The following GRM1 variants were observed in gnomAD, a reference collection of about 807,000 sequenced individuals.
The protein encoded by GRM1 is metabotropic glutamate receptor 1.
A neutral mutation model predicts 90.9 loss-of-function variants in GRM1; 33 were observed. The observed-to-expected ratio is 0.36, with a 90% CI of 0.28 to 0.49. GRM1 has a LOEUF of 0.49. Among genes scored for constraint, GRM1 ranks in the 20% least tolerant of loss-of-function variants. The pLI is 0.99. For missense variants in GRM1, 1,190 were observed against 1,534.3 expected (o/e 0.78, Z 3.75); for synonymous variants, 700 against 613.2 (o/e 1.14, Z -2.09).
rs1237789238 is a variant in GRM1 at position 146,043,213 on chromosome 6, CT to C, written c.700+12998del. On this transcript the variant is annotated intron_variant, in intron 1 of 7. Coordinates refer to ENST00000282753, the MANE Select transcript of GRM1 (RefSeq NM_001278064.2). ...GGTGGAGGCTAAGGAAAGAGGATTA[CT>C]TGAGCCCAAGAGTTTGAGGTTGCAG... 2.0e-5 allele frequency among the ~76,000 whole-genome samples: 3 copies of C among 152,070 alleles called. No individual in the cohort carries two copies. In the East Asian group the frequency reaches 5.8e-4, roughly 30 times the overall value.
In GRM1 at chr6:146,433,941, G is replaced by T. The variant is rs1163888187; in HGVS notation, c.2730G>T (p.Trp910Cys). 6.2e-7 allele frequency: 1 copy of T among 1,613,884 alleles called. No individual in the cohort carries two copies. Among genetic ancestry groups the T allele is most frequent in the East Asian group, 2.2e-5 (1 of 44,868 alleles). The change falls in exon 8 of 8, where the codon TGG (tryptophan) becomes TGT (cysteine). Residue 910 changes from tryptophan (W) to cysteine (C), a missense_variant. By Grantham distance (215) the Trp-to-Cys change is radical. This residue lies in a region of GRM1 where 400 missense variants were observed against 360.8 expected (regional missense o/e 1.11). Coordinates refer to ENST00000282753, the MANE Select transcript of GRM1 (RefSeq NM_001278064.2). ...AGGTGCCCAAGGGACAGCATATGTGGCACCGCCTCTCTGTGCACGTGAAGA... is the reference window on the plus strand; with the variant it reads ...AGGTGCCCAAGGGACAGCATATGTGTCACCGCCTCTCTGTGCACGTGAAGA... ...GGQVPKGQHM[W>C]HRLSVHVKTN...
At chr6:146,244,633 G>C (rs112716112) in intron 2 of GRM1, among the ~76,000 whole-genome samples, 2 of 152,150 alleles carry the variant, frequency 1.3e-5, no homozygotes, top group Non-Finnish European at 2.9e-5. Flanking sequence ...GGTAGCCTAC[G>C]AATCAGACCA....
rs937502016 is a variant in GRM1, at chr6:146,414,738, T to A, written c.2660+15039T>A. Among the ~76,000 whole-genome samples, 4 of 152,334 alleles carry A rather than the reference T, an allele frequency of 2.6e-5. No homozygotes were observed. The East Asian group carries it at 7.7e-4, about 29-fold the overall frequency. On this transcript the variant is annotated intron_variant, in intron 7 of 7. Coordinates refer to ENST00000282753, the MANE Select transcript of GRM1 (RefSeq NM_001278064.2). ...ATTAATCGTATAATCTGGATTTGAA[T>A]TCTTTGTCAGATTTATTTATTGCAA...
Position 146,168,256 on chromosome 6 carries a change from A to G in GRM1, c.950+8659A>G, listed in dbSNP as rs1189401826. Among the ~76,000 whole-genome samples, 5 of 151,956 alleles carry G rather than the reference A, an allele frequency of 3.3e-5. No individual in the cohort carries two copies. The East Asian group carries it at 9.6e-4, about 29-fold the overall frequency. ...TATTTTTGGCTTACTAGCTATGACA[A>G]TTATTTTATGAATAGTTGATCTAGG... On this transcript the variant is annotated intron_variant, in intron 2 of 7. Transcript: ENST00000282753.
At chr6:146,046,423 T>C (rs1791334093) in intron 1 of GRM1, among the ~76,000 whole-genome samples, 1 of 152,002 alleles carries the variant, frequency 6.6e-6, no homozygotes, top group South Asian at 2.1e-4. Flanking sequence ...AGATGCATGA[T>C]GCATGACTAT....
intron 1 of GRM1, among the ~76,000 whole-genome samples, chr6:146,126,339 C>T (rs755648951): frequency 6.6e-6 from 1 of 151,942 alleles, no homozygotes; most frequent in Non-Finnish European, 1.5e-5. Flanking sequence ...ACCTCATCAC[C>T]AAGAGATATT....
intron 2 of GRM1, among the ~76,000 whole-genome samples, chr6:146,174,206 A>C (rs1778250961): frequency 6.6e-6 from 1 of 152,176 alleles, no homozygotes; most frequent in African/African-American, 2.4e-5. Context: ...TTCCCTACAC[A>C]GGTATATTCC....
chr6:146,066,979 G>A (rs1253929149), intron 1 of GRM1, among the ~76,000 whole-genome samples: 2 of 152,146 alleles, frequency 1.3e-5, no homozygotes, highest in Non-Finnish European at 1.5e-5. Context: ...CTAAGCTATA[G>A]TCTGGATGTA....
intron 3 of GRM1, among the ~76,000 whole-genome samples, chr6:146,347,005 C>T (rs965356930): frequency 1.3e-5 from 2 of 152,094 alleles, no homozygotes; most frequent in Non-Finnish European, 2.9e-5. Flanking sequence ...AAGTTAATGA[C>T]AAGAATTTAG....
chr6:146,268,390 G>A (rs1781996844), intron 2 of GRM1, among the ~76,000 whole-genome samples: 1 of 152,102 alleles, frequency 6.6e-6, no homozygotes, highest in Admixed American at 6.5e-5. Context: ...TCCTGGTGCT[G>A]TTTCTTCTGG....
chr6:146,131,842 T>C (rs1184981449), intron 1 of GRM1, among the ~76,000 whole-genome samples: 1 of 152,090 alleles, frequency 6.6e-6, no homozygotes, highest in Non-Finnish European at 1.5e-5. Context: ...CAACCATAAG[T>C]GCTGTAAAGA....
chr6:146,267,736 G>A (rs554862886), intron 2 of GRM1, among the ~76,000 whole-genome samples: 2 of 148,406 alleles, frequency 1.3e-5, no homozygotes, highest in Non-Finnish European at 3.0e-5. Flanking sequence ...GTCTCGTCTC[G>A]TCTCGTCTCG....
intron 1 of GRM1, among the ~76,000 whole-genome samples, chr6:146,135,638 T>C (rs1776590751): frequency 6.6e-6 from 1 of 152,222 alleles, no homozygotes; most frequent in African/African-American, 2.4e-5. Flanking sequence ...TCCAAGGGCT[T>C]TTATTTTATT....
intron 2 of GRM1, among the ~76,000 whole-genome samples, chr6:146,268,245 T>G (rs1781991985): frequency 6.6e-6 from 1 of 152,226 alleles, no homozygotes; most frequent in Non-Finnish European, 1.5e-5. Context: ...TATAAAAATG[T>G]TAAGCCCCCG....
intron 1 of GRM1, among the ~76,000 whole-genome samples, chr6:146,079,805 G>T (rs552668138): frequency 2.0e-5 from 3 of 152,186 alleles, no homozygotes; most frequent in African/African-American, 7.2e-5. Flanking sequence ...AAAGCCAGGC[G>T]TTGTAGAGGA....
chr6:146,361,697 A>AC (rs1775481543), intron 5 of GRM1, among the ~76,000 whole-genome samples: 1 of 152,182 alleles, frequency 6.6e-6, no homozygotes, highest in Admixed American at 6.5e-5. Flanking sequence ...GGAATCTGAG[A>AC]CCCAGAGGGA....
intron 3 of GRM1, among the ~76,000 whole-genome samples, chr6:146,317,300 T>C (rs1472805591): frequency 2.6e-5 from 4 of 152,240 alleles, no homozygotes; most frequent in Admixed American, 2.6e-4. Context: ...TTTGCACATT[T>C]AATTTTTCTA....
chr6:146,094,060 C>T (rs999341457), intron 1 of GRM1, among the ~76,000 whole-genome samples: 1 of 151,890 alleles, frequency 6.6e-6, no homozygotes, highest in African/African-American at 2.4e-5. Flanking sequence ...AAAAACAACC[C>T]CTAAGTATTT....
chr6:146,341,792 C>A (rs1784991427), intron 3 of GRM1, among the ~76,000 whole-genome samples: 1 of 152,180 alleles, frequency 6.6e-6, no homozygotes, highest in Non-Finnish European at 1.5e-5. Context: ...CCCAACGGTG[C>A]AGCCAGTCTT....
Sources: gnomAD v4.1 joint callset for allele counts (sites outside exome capture counted in the v4.1 genomes callset) on GRCh38, gnomAD v4.1.1 for gene constraint, gnomAD v4.1.1 regional missense constraint, MANE v1.5 for transcripts, NCBI Gene and HGNC (gene_info 2026-07-23, HGNC 2026-07-21) for gene names.